NPFFR2: variants seen among roughly 807,000 people sequenced by gnomAD.
NPFFR2 encodes the protein G-protein coupled receptor 74.
A neutral mutation model predicts 13.1 loss-of-function variants in NPFFR2; 15 were observed. The ratio of observed to expected loss-of-function variants is 1.15; its 90% CI spans 0.77 to 1.76. The LOEUF (loss-of-function observed/expected upper bound fraction) is 1.76. Ranked by LOEUF, NPFFR2 falls within the 40% of genes most tolerant of loss-of-function variation. The pLI is 0.00. For missense variants in NPFFR2, 572 were observed against 503.5 expected, an observed-to-expected ratio of 1.14 and a Z score of -1.30; for synonymous variants, 190 against 175.7, an observed-to-expected ratio of 1.08 and a Z score of -0.65.
chr4:72,113,421 G>A (rs1184255060), intron 1 of NPFFR2, among the ~76,000 whole-genome samples: 1 of 152,008 alleles, frequency 6.6e-6, no homozygotes, highest in Non-Finnish European at 1.5e-5. Flanking sequence ...AATCCATTTA[G>A]CCATTTCCCT....
chr4:72,041,931 A>G (rs901291502), intron 1 of NPFFR2, among the ~76,000 whole-genome samples: 3 of 152,098 alleles, frequency 2.0e-5, no homozygotes, highest in African/African-American at 7.2e-5. Context: ...CCCACTCTGT[A>G]GGTTGTCTGT....
chr4:72,095,808 C>G (rs896822347), intron 1 of NPFFR2, among the ~76,000 whole-genome samples: 2 of 152,114 alleles, frequency 1.3e-5, no homozygotes, highest in African/African-American at 4.8e-5. Flanking sequence ...TCAACTGTCT[C>G]TTTAACTCAG....
In NPFFR2 at chr4:72,147,514, C is replaced by T. The variant is rs760725928; in HGVS notation, c.965C>T (p.Ala322Val). ...ATCTACCCTTTTGCACACTGGCTGG[C>T]ATTCGGCAACAGCAGTGTCAATCCC... is the stretch of plus-strand genomic sequence containing the variant. ...IYIYPFAHWL[A>V]FGNSSVNPII... The change falls in exon 4 of 4, where the codon GCA (alanine) becomes GTA (valine). Residue 322 changes from alanine (A) to valine (V), a missense_variant. Ala to Val is a moderately conservative substitution (Grantham distance 64). Coordinates refer to ENST00000308744, the MANE Select transcript of NPFFR2 (RefSeq NM_004885.3). 1.2e-6 allele frequency: 2 copies of T among 1,614,212 alleles called. No homozygotes were observed. The highest frequency in any genetic ancestry group is 1.7e-6 in the Non-Finnish European group (2 of 1,180,044).
chr4:72,141,053 G>A (rs1722600600), intron 3 of NPFFR2, among the ~76,000 whole-genome samples: 1 of 152,086 alleles, frequency 6.6e-6, no homozygotes, highest in African/African-American at 2.4e-5. Flanking sequence ...GCATAGAGGT[G>A]TTTATAGTAT....
At chr4:72,130,874 A>G (rs1039497211) in intron 2 of NPFFR2, among the ~76,000 whole-genome samples, 2 of 152,160 alleles carry the variant, frequency 1.3e-5, no homozygotes, top group African/African-American at 4.8e-5. Flanking sequence ...CCTGTCTGGC[A>G]TTCAGGAAGA....
At chr4:72,108,003 T>C (rs988278691) in intron 1 of NPFFR2, among the ~76,000 whole-genome samples, 1 of 151,954 alleles carries the variant, frequency 6.6e-6, no homozygotes. Flanking sequence ...TTCATGAATA[T>C]AGGCGATCAA....
chr4:72,080,954 A>G (rs1202971022), intron 1 of NPFFR2, among the ~76,000 whole-genome samples: 1 of 152,062 alleles, frequency 6.6e-6, no homozygotes, highest in Non-Finnish European at 1.5e-5. Context: ...ACACTGAGAC[A>G]TCTTCCCCAT....
At chr4:72,125,144 A>G (rs1011395400) in intron 1 of NPFFR2, among the ~76,000 whole-genome samples, 5 of 152,238 alleles carry the variant, frequency 3.3e-5, no homozygotes, top group Non-Finnish European at 7.3e-5. Flanking sequence ...TCAAAAGAGG[A>G]CATTTATGAG....
chr4:72,117,969 A>G (rs976246707), intron 1 of NPFFR2, among the ~76,000 whole-genome samples: 8 of 152,196 alleles, frequency 5.3e-5, no homozygotes, highest in African/African-American at 1.7e-4. Context: ...CCTGAGATAT[A>G]TTAAAAATGG....
At position 72,147,926 on chromosome 4, in the gene NPFFR2, T is replaced by C; in HGVS notation, c.*114T>C. On this transcript the variant is annotated 3_prime_UTR_variant, in exon 4 of 4. Transcript: ENST00000308744. The stretch of plus-strand genomic sequence containing the variant: ...AGAATGTTCTAAATAAAACATTTAC[T>C]GAAAGCCCTCTCTGGCAAAAAAATT... The C allele has an allele frequency of 4.9e-6, 4 of 812,092 alleles. No individual in the cohort carries two copies. The South Asian group carries it at 7.3e-5, about 15-fold the overall frequency. 50.3% of individuals were successfully genotyped at this position (812,092 alleles called of 1,614,324 possible).
At chr4:72,136,045 T>C (rs1004203933) in intron 2 of NPFFR2, among the ~76,000 whole-genome samples, 1 of 152,156 alleles carries the variant, frequency 6.6e-6, no homozygotes, top group Non-Finnish European at 1.5e-5. Flanking sequence ...CTGTAGTCAC[T>C]CTGTTGTGCT....
intron 1 of NPFFR2, among the ~76,000 whole-genome samples, chr4:72,046,674 T>C (rs1048968485): frequency 6.6e-6 from 1 of 151,850 alleles, no homozygotes; most frequent in Non-Finnish European, 1.5e-5. Context: ...AGATAATGGG[T>C]AGAGGCTGGA....
chr4:72,121,741 C>G (rs1721887432), intron 1 of NPFFR2, among the ~76,000 whole-genome samples: 1 of 152,254 alleles, frequency 6.6e-6, no homozygotes, highest in Non-Finnish European at 1.5e-5. Flanking sequence ...TACAAGAGCT[C>G]CTGAAGGAAG....
At chr4:72,060,821 A>C (rs956612895) in intron 1 of NPFFR2, among the ~76,000 whole-genome samples, 2 of 152,142 alleles carry the variant, frequency 1.3e-5, no homozygotes, top group African/African-American at 4.8e-5. Context: ...TGAGTTGTTC[A>C]TTCTAAACCT....
chr4:72,056,478 A>G (rs1425935938), intron 1 of NPFFR2, among the ~76,000 whole-genome samples: 1 of 152,002 alleles, frequency 6.6e-6, no homozygotes, highest in Admixed American at 6.6e-5. Flanking sequence ...AGATATACAA[A>G]TAGATTAATG....
At position 72,108,380 on chromosome 4, in the gene NPFFR2, T is replaced by C. The variant is rs1212457158; in HGVS notation, c.-7-20205T>C. On this transcript the variant is annotated intron_variant, in intron 1 of 3. Coordinates refer to ENST00000308744, the MANE Select transcript of NPFFR2 (RefSeq NM_004885.3). ...ACATTCATTTCAATCATCAGTCTTCTTTTCATTTCCCCTGGGTGCAATCTC... is the reference window on the plus strand; with the variant it reads ...ACATTCATTTCAATCATCAGTCTTCCTTTCATTTCCCCTGGGTGCAATCTC... Among the ~76,000 whole-genome samples the C allele has an allele frequency of 2.0e-5, 3 of 152,010 alleles. No individual in the cohort carries two copies. The East Asian group carries it at 5.8e-4, about 29-fold the overall frequency.
At chr4:72,145,877 TACAC>T (rs989596182) in intron 3 of NPFFR2, among the ~76,000 whole-genome samples, 2 of 152,184 alleles carry the variant, frequency 1.3e-5, no homozygotes, top group African/African-American at 4.8e-5. Context: ...TATAAAATGT[TACAC>T]AGTTGCATAA....
chr4:72,042,577 A>G lies in NPFFR2; in HGVS notation c.-8+10377A>G, dbSNP rs113880662. ...CAAAATGCTGATAGTGATATGGACA[A>G]TAATGTCCAGGCTGAGGTAATCTGA... On this transcript the variant is annotated intron_variant, in intron 1 of 3. Coordinates refer to ENST00000308744, the MANE Select transcript of NPFFR2 (RefSeq NM_004885.3). Among the ~76,000 whole-genome samples, 451 of 152,318 alleles carry G rather than the reference A, an allele frequency of 3.0e-3. 3 individuals carry two copies. Among genetic ancestry groups the G allele is most frequent in the African/African-American group, 9.9e-3 (410 of 41,564 alleles).
At chr4:72,066,798 C>T (rs1234807815) in intron 1 of NPFFR2, among the ~76,000 whole-genome samples, 1 of 152,196 alleles carries the variant, frequency 6.6e-6, no homozygotes, top group African/African-American at 2.4e-5. Context: ...GTCCCCAAGG[C>T]TCCAGGGGAC....
Sources: gnomAD v4.1 joint callset for allele counts (sites outside exome capture counted in the v4.1 genomes callset) on GRCh38, gnomAD v4.1.1 for gene constraint, MANE v1.5 for transcripts, NCBI Gene and HGNC (gene_info 2026-07-23, HGNC 2026-07-21) for gene names.